The following AUTS2 variants were observed in gnomAD, a reference collection of about 807,000 sequenced individuals.
AUTS2 encodes the protein autism susceptibility gene 2 protein.
A neutral mutation model predicts 112.4 loss-of-function variants in AUTS2; 17 were observed. The ratio of observed to expected loss-of-function variants is 0.15; its 90% CI spans 0.10 to 0.23. The LOEUF (loss-of-function observed/expected upper bound fraction) is 0.23, where lower values mean the gene tolerates loss of function less well. AUTS2 is among the 10% of genes least tolerant of loss of function. The pLI is 1.00. For missense variants in AUTS2, 1,510 were observed against 1,701.6 expected (o/e 0.89, Z 1.98); for synonymous variants, 751 against 702.7 (o/e 1.07, Z -1.09).
At chr7:70,043,948 G>T (rs1429948247) in intron 2 of AUTS2, among the ~76,000 whole-genome samples, 1 of 152,100 alleles carries the variant, frequency 6.6e-6, no homozygotes, top group Non-Finnish European at 1.5e-5. Context: ...TCTCTTGGTG[G>T]TGATATGAGT....
chr7:70,728,402 G>C (rs554415266), intron 6 of AUTS2, among the ~76,000 whole-genome samples: 1 of 152,042 alleles, frequency 6.6e-6, no homozygotes, highest in Non-Finnish European at 1.5e-5. Context: ...GTTCCTCCAA[G>C]CAATTTCAAA....
At position 69,711,749 on chromosome 7, in the gene AUTS2, T is replaced by C. The variant is rs972256386; in HGVS notation, c.309+111787T>C. ...CATGAGTTCTTCAATTTTTCCTAGG[T>C]ACCAAACAAAATAAAACCAGTCTTT... On this transcript the variant is annotated intron_variant, in intron 1 of 18. Transcript: ENST00000342771. Among the ~76,000 whole-genome samples, 3 of 152,276 alleles carry C rather than the reference T, an allele frequency of 2.0e-5. No individual in the cohort carries two copies. The East Asian group carries it at 5.8e-4, about 29-fold the overall frequency.
At chr7:69,816,452 G>A (rs1790766245) in intron 1 of AUTS2, among the ~76,000 whole-genome samples, 1 of 152,142 alleles carries the variant, frequency 6.6e-6, no homozygotes, top group Non-Finnish European at 1.5e-5. Flanking sequence ...GGAAACGAAG[G>A]TTGGCTTCAC....
intron 2 of AUTS2, among the ~76,000 whole-genome samples, chr7:70,026,982 T>C (rs902861515): frequency 6.6e-6 from 1 of 152,164 alleles, no homozygotes; most frequent in African/African-American, 2.4e-5. Context: ...AAATCATTTT[T>C]TTTTTTACGT....
At chr7:69,933,539 T>G (rs1562977689) in intron 2 of AUTS2, among the ~76,000 whole-genome samples, 1 of 152,250 alleles carries the variant, frequency 6.6e-6, no homozygotes, top group Non-Finnish European at 1.5e-5. Context: ...TTAACTTTCT[T>G]GGAAGGTCAC....
intron 2 of AUTS2, among the ~76,000 whole-genome samples, chr7:69,900,603 G>T (rs1379086682): frequency 1.3e-5 from 2 of 152,310 alleles, no homozygotes; most frequent in African/African-American, 2.4e-5. Context: ...CTCTTACAAA[G>T]AATCAAGAGT....
chr7:70,177,706 A>G (rs1809064510), intron 4 of AUTS2, among the ~76,000 whole-genome samples: 2 of 152,180 alleles, frequency 1.3e-5, no homozygotes, highest in Non-Finnish European at 2.9e-5. Context: ...ATTCCCTCCA[A>G]CAAAGGTCAT....
chr7:70,265,613 G>A (rs1787383253), intron 4 of AUTS2, among the ~76,000 whole-genome samples: 1 of 152,176 alleles, frequency 6.6e-6, no homozygotes, highest in South Asian at 2.1e-4. Flanking sequence ...TAGTAGGACT[G>A]TTGAGGAGAA....
chr7:70,012,135 G>T (rs1324230064), intron 2 of AUTS2, among the ~76,000 whole-genome samples: 1 of 152,166 alleles, frequency 6.6e-6, no homozygotes, highest in Non-Finnish European at 1.5e-5. Context: ...ACAGTTACCA[G>T]TTGGGGCATT....
chr7:70,548,164 A>G (rs182164908), intron 5 of AUTS2, among the ~76,000 whole-genome samples: 22 of 152,272 alleles, frequency 1.4e-4, no homozygotes, highest in Admixed American at 1.4e-3. Flanking sequence ...CCCTCCCCGA[A>G]AGTCTGCTGA....
At chr7:70,570,582 A>G (rs1801896493) in intron 5 of AUTS2, among the ~76,000 whole-genome samples, 1 of 151,708 alleles carries the variant, frequency 6.6e-6, no homozygotes, top group African/African-American at 2.4e-5. Context: ...CACCTCTCCT[A>G]TGCCTTCACT....
At chr7:70,278,727 T>C (rs1052952486) in intron 4 of AUTS2, among the ~76,000 whole-genome samples, 1 of 152,182 alleles carries the variant, frequency 6.6e-6, no homozygotes, top group African/African-American at 2.4e-5. Flanking sequence ...AAAGGTAAGA[T>C]TGTCATTAAA....
rs1321571192 is a variant in AUTS2 at position 70,452,029 on chromosome 7, A to G, written c.690+16248A>G. On this transcript the variant is annotated intron_variant, in intron 5 of 18. Coordinates refer to ENST00000342771, the MANE Select transcript of AUTS2 (RefSeq NM_015570.4). ...TAGAAAGGTAGAGAGATATGATACC[A>G]CACTTCCAGCTCTAGCAACATAGTG... Among the ~76,000 whole-genome samples the G allele has an allele frequency of 9.2e-5, 14 of 152,310 alleles. No homozygotes were observed. The East Asian group carries it at 1.5e-3, about 17-fold the overall frequency.
chr7:70,032,013 G>A (rs141724002), intron 2 of AUTS2, among the ~76,000 whole-genome samples: 118 of 152,226 alleles, frequency 7.8e-4, no homozygotes, highest in African/African-American at 2.7e-3. Context: ...TTTTCCCACA[G>A]AAACAGTATA....
chr7:69,645,341 G>A (rs1333353730), intron 1 of AUTS2, among the ~76,000 whole-genome samples: 1 of 152,106 alleles, frequency 6.6e-6, no homozygotes. Flanking sequence ...GTACTTAGAA[G>A]CAAATGCATA....
chr7:70,546,649 G>A (rs1438599071), intron 5 of AUTS2, among the ~76,000 whole-genome samples: 1 of 150,886 alleles, frequency 6.6e-6, no homozygotes, highest in Admixed American at 6.6e-5. Flanking sequence ...CATGGTGGCG[G>A]GCACCTGTAG....
intron 1 of AUTS2, among the ~76,000 whole-genome samples, chr7:69,652,788 G>A (rs1019610637): frequency 6.6e-6 from 1 of 152,072 alleles, no homozygotes; most frequent in Non-Finnish European, 1.5e-5. Flanking sequence ...ATCGATAGTG[G>A]GGGCTGGAGG....
intron 1 of AUTS2, among the ~76,000 whole-genome samples, chr7:69,633,522 TA>T (rs1284853396): frequency 6.6e-6 from 1 of 152,206 alleles, no homozygotes; most frequent in Non-Finnish European, 1.5e-5. Flanking sequence ...GAAACCTCCA[TA>T]CTATTTTTCA....
rs144068320 is a variant in AUTS2, at chr7:70,697,293, G to A, written c.691-1276G>A. Among the ~76,000 whole-genome samples, 970 of 152,154 alleles carry A rather than the reference G, an allele frequency of 6.4e-3. 7 individuals carry two copies. Among genetic ancestry groups the A allele is most frequent in the Non-Finnish European group, 0.01 (684 of 67,994 alleles). ...TATAAATGTATGCACTTCAATGTTC[G>A]TTTTGCACATACATTCATTGTTTCT... On this transcript the variant is annotated intron_variant, in intron 5 of 18. Coordinates refer to ENST00000342771, the MANE Select transcript of AUTS2 (RefSeq NM_015570.4).
Sources: gnomAD v4.1 joint callset for allele counts (sites outside exome capture counted in the v4.1 genomes callset) on GRCh38, gnomAD v4.1.1 for gene constraint, MANE v1.5 for transcripts, NCBI Gene and HGNC (gene_info 2026-07-23, HGNC 2026-07-21) for gene names.